Variants in RLF observed in about 807,000 individuals in gnomAD.
The protein encoded by RLF is RLF zinc finger.
RLF carries 7 observed loss-of-function variants against 162.9 expected under a neutral mutation model. The ratio of observed to expected loss-of-function variants is 0.04; its 90% CI spans 0.02 to 0.08. The LOEUF (loss-of-function observed/expected upper bound fraction) is 0.08, where lower values mean the gene tolerates loss of function less well. Among genes scored for constraint, RLF ranks in the 10% least tolerant of loss-of-function variants. RLF has a pLI of 1.00. For synonymous variants in RLF, 782 were observed against 791.5 expected, an observed-to-expected ratio of 0.99 and a Z score of 0.20; for missense variants, 1,664 against 2,244.7, an observed-to-expected ratio of 0.74 and a Z score of 5.23.
chr1:40,197,213 CCAGTTG>C (rs1642649265), intron 4 of RLF, among the ~76,000 whole-genome samples: 1 of 152,038 alleles, frequency 6.6e-6, no homozygotes, highest in Non-Finnish European at 1.5e-5. Context: ...CTAGTGCTTA[CCAGTTG>C]CACTGACAAG....
chr1:40,231,752 A>G (rs1643154079), intron 7 of RLF, 94 bp downstream of exon 7: 1 of 1,170,170 alleles, frequency 8.5e-7, no homozygotes, highest in Non-Finnish European at 1.2e-6. Flanking sequence ...AAGGAAGATA[A>G]GAAATAATGA....
chr1:40,165,014 T>A (rs1642146264), intron 1 of RLF, among the ~76,000 whole-genome samples: 1 of 152,254 alleles, frequency 6.6e-6, no homozygotes, highest in Admixed American at 6.5e-5. Flanking sequence ...ACCTTGGGCA[T>A]GTTATTTTCC....
chr1:40,173,794 C>T (rs1642278843), intron 1 of RLF, among the ~76,000 whole-genome samples: 2 of 152,072 alleles, frequency 1.3e-5, no homozygotes, highest in South Asian at 2.1e-4. Flanking sequence ...GGATTATAGC[C>T]GTGAGCCACC....
At chr1:40,162,377 G>A (rs776740508) in intron 1 of RLF, among the ~76,000 whole-genome samples, 2 of 151,948 alleles carry the variant, frequency 1.3e-5, no homozygotes, top group Non-Finnish European at 2.9e-5. Context: ...ACATATTTAT[G>A]GGTGTGTTTA....
At chr1:40,222,736 T>G (rs759111051) in intron 6 of RLF, 26 bp downstream of exon 6, 1 of 1,597,980 alleles carries the variant, frequency 6.3e-7, no homozygotes, top group Non-Finnish European at 8.6e-7. Context: ...TTTACACTCT[T>G]TATTTGTTAG....
intron 5 of RLF, among the ~76,000 whole-genome samples, chr1:40,205,090 C>T (rs1399299061): frequency 6.6e-6 from 1 of 152,194 alleles, no homozygotes; most frequent in African/African-American, 2.4e-5. Flanking sequence ...ATTACATCAT[C>T]GATTTCCCTG....
intron 6 of RLF, among the ~76,000 whole-genome samples, chr1:40,226,946 CCTCTGCCTCCCGGGTTCAAGTGATT>C (rs1557758550): frequency 1.3e-5 from 2 of 152,158 alleles, no homozygotes; most frequent in African/African-American, 2.4e-5. Flanking sequence ...CTCACTGCAA[CCTCTGCCTCCCGGGTTCAAGTGATT>C]CTCTGCCTCA....
At position 40,224,027 on chromosome 1, in the gene RLF, C is replaced by G. The variant is rs114137071; in HGVS notation, c.947+1317C>G. Among the ~76,000 whole-genome samples the G allele has an allele frequency of 4.8e-3, 736 of 152,288 alleles. 8 individuals are homozygous for G. Among genetic ancestry groups the G allele is most frequent in the African/African-American group, 0.017 (690 of 41,546 alleles). ...AATGAAAAAATATCCACCATTATAG[C>G]TAGGTTTTCAGTACGAATAATAAAT... On this transcript the variant is annotated intron_variant, in intron 6 of 7. Coordinates refer to ENST00000372771, the MANE Select transcript of RLF (RefSeq NM_012421.4).
At chr1:40,234,550 C>A (rs1570565788) in intron 7 of RLF, among the ~76,000 whole-genome samples, 1 of 152,174 alleles carries the variant, frequency 6.6e-6, no homozygotes, top group Non-Finnish European at 1.5e-5. Flanking sequence ...TAAATAGTTA[C>A]AATGTGCCAG....
intron 4 of RLF, among the ~76,000 whole-genome samples, chr1:40,197,251 G>A (rs547715804): frequency 5.6e-4 from 86 of 152,322 alleles, no homozygotes; most frequent in African/African-American, 2.0e-3. Flanking sequence ...ATAAGGAAAA[G>A]TGCTGTTAAA....
chr1:40,165,573 A>AT (rs199528988), intron 1 of RLF, among the ~76,000 whole-genome samples: 1 of 151,674 alleles, frequency 6.6e-6, no homozygotes, highest in East Asian at 1.9e-4. Context: ...TTTGTTTGGG[A>AT]TTTTTTTGGG....
chr1:40,174,620 A>G (rs1024714948), intron 1 of RLF, among the ~76,000 whole-genome samples: 13 of 152,258 alleles, frequency 8.5e-5, no homozygotes, highest in African/African-American at 3.1e-4. Flanking sequence ...TTAATCTTTT[A>G]AAAGTATGTT....
chr1:40,204,067 C>CT (rs1169280660), intron 5 of RLF, among the ~76,000 whole-genome samples: 2 of 145,874 alleles, frequency 1.4e-5, no homozygotes, highest in East Asian at 4.0e-4. Context: ...GAGTCTCGCT[C>CT]TGTTGCCCAG....
chr1:40,229,100 G>C (rs1291255541), intron 6 of RLF, among the ~76,000 whole-genome samples: 6 of 152,194 alleles, frequency 3.9e-5, no homozygotes, highest in African/African-American at 1.4e-4. Context: ...GTAAATTTTA[G>C]ATAGTTGACA....
At chr1:40,207,935 TATATCTA>T (rs1389795115) in intron 5 of RLF, among the ~76,000 whole-genome samples, 1 of 152,180 alleles carries the variant, frequency 6.6e-6, no homozygotes. Flanking sequence ...AAGATGTACT[TATATCTA>T]AGATACTTCC....
chr1:40,182,734 A>T (rs1043305025), intron 1 of RLF, among the ~76,000 whole-genome samples: 2 of 143,140 alleles, frequency 1.4e-5, no homozygotes, highest in African/African-American at 5.2e-5. Flanking sequence ...GGATGAAAAA[A>T]GTATAGACAG....
chr1:40,239,763 T>C lies in RLF; in HGVS notation c.5061T>C (p.Asn1687=), dbSNP rs1266503283. The change falls in exon 8 of 8, where the codon AAT becomes AAC. Residue 1687 remains asparagine (N), a synonymous_variant. Coordinates refer to ENST00000372771, the MANE Select transcript of RLF (RefSeq NM_012421.4). ...SSKTTSLEQC[N]IVQPPPPCKI... ...AAACCACTTCCCTAGAACAGTGTAATATAGTTCAGCCTCCTCCTCCTTGTA... is the reference window on the plus strand; with the variant it reads ...AAACCACTTCCCTAGAACAGTGTAACATAGTTCAGCCTCCTCCTCCTTGTA... 5.0e-6 allele frequency: 8 copies of C among 1,614,056 alleles called. No individual in the cohort carries two copies. Among genetic ancestry groups the C allele is most frequent in the Non-Finnish European group, 6.8e-6 (8 of 1,180,018 alleles).
intron 6 of RLF, among the ~76,000 whole-genome samples, chr1:40,224,623 C>CTTTTTTTTTTTTTTTTTT (rs1168908018): frequency 1.2e-4 from 4 of 33,262 alleles, no homozygotes; most frequent in African/African-American, 2.5e-4. Context: ...TTTTTGAAAG[C>CTTTTTTTTTTTTTTTTTT]TTTTTTTTTT....
At chr1:40,169,684 G>C (rs141761211) in intron 1 of RLF, among the ~76,000 whole-genome samples, 371 of 146,854 alleles carry the variant, frequency 2.5e-3, no homozygotes, top group African/African-American at 8.8e-3. Context: ...GTTCATATAA[G>C]TTGGGATAAG....
Sources: gnomAD v4.1 joint callset for allele counts (sites outside exome capture counted in the v4.1 genomes callset) on GRCh38, gnomAD v4.1.1 for gene constraint, MANE v1.5 for transcripts, NCBI Gene and HGNC (gene_info 2026-07-23, HGNC 2026-07-21) for gene names.